PHEX: variants seen among roughly 807,000 people sequenced by gnomAD.
The protein encoded by PHEX is phosphate regulating endopeptidase X-linked, also known as phosphate-regulating neutral endopeptidase PHEX.
A neutral mutation model predicts 68.0 loss-of-function variants in PHEX; 16 were observed. That is an observed-to-expected ratio of 0.24 (90% CI 0.16 to 0.36). The LOEUF (loss-of-function observed/expected upper bound fraction) is 0.36. Among genes scored for constraint, PHEX ranks in the 10% least tolerant of loss-of-function variants. The pLI is 1.00. For missense variants in PHEX, 480 were observed against 575.5 expected, an observed-to-expected ratio of 0.83 and a Z score of 1.70; for synonymous variants, 208 against 205.1, an observed-to-expected ratio of 1.01 and a Z score of -0.12.
At chrX:22,128,543 A>G (rs1292712071) in intron 11 of PHEX, among the ~76,000 whole-genome samples, 1 of 111,100 alleles carries the variant, frequency 9.0e-6, no homozygotes, top group Non-Finnish European at 1.9e-5. Flanking sequence ...AGAGAACAGG[A>G]GCAAAATGAC....
chrX:22,075,248 A>G (rs12008276), intron 3 of PHEX, among the ~76,000 whole-genome samples: 8,694 of 103,728 alleles, frequency 0.084, 643 homozygotes, highest in African/African-American at 0.23. Flanking sequence ...AGGTACAGGT[A>G]CTTATTTTTA....
chrX:22,168,248 CTTGTGATTA>C (rs1263687191), intron 12 of PHEX, 55 bp from the exon 13 acceptor site: 1 of 821,125 alleles, frequency 1.2e-6, no homozygotes, highest in African/African-American at 2.0e-5. Flanking sequence ...ATTTCTACAT[CTTGTGATTA>C]TTAATGATTT....
intron 12 of PHEX, among the ~76,000 whole-genome samples, chrX:22,154,122 C>A (rs767158512): frequency 8.2e-5 from 9 of 109,940 alleles, no homozygotes; most frequent in Admixed American, 9.7e-5. Flanking sequence ...TGTGTACCCA[C>A]AAAAATTAAA....
chrX:22,119,291 AT>A (rs1396085403), intron 11 of PHEX, among the ~76,000 whole-genome samples: 1 of 112,243 alleles, frequency 8.9e-6, no homozygotes. Flanking sequence ...GACTTCTTTA[AT>A]TTTTTATCTT....
intron 18 of PHEX, among the ~76,000 whole-genome samples, chrX:22,224,847 T>C (rs1180041359): frequency 1.6e-5 from 1 of 61,282 alleles, no homozygotes; most frequent in Non-Finnish European, 3.1e-5. Flanking sequence ...AAGTAAAGTG[T>C]TGGTAAGATC....
intron 12 of PHEX, among the ~76,000 whole-genome samples, chrX:22,157,453 T>TA (rs1932986599): frequency 1.8e-5 from 2 of 112,786 alleles, no homozygotes; most frequent in South Asian, 7.3e-4. Context: ...CTTTGGCTTC[T>TA]AAAATCTATT....
chrX:22,200,906 A>G (rs983104961), intron 15 of PHEX, among the ~76,000 whole-genome samples: 4 of 111,271 alleles, frequency 3.6e-5, no homozygotes, highest in African/African-American at 1.3e-4. Context: ...TGCCTCTTCT[A>G]ACGATGCTGT....
chrX:22,080,326 T>C (rs772738719), intron 5 of PHEX, among the ~76,000 whole-genome samples: 16 of 112,163 alleles, frequency 1.4e-4, no homozygotes, highest in South Asian at 3.7e-4. Context: ...TGTTTGAACA[T>C]TGTTTGGCAT....
intron 11 of PHEX, among the ~76,000 whole-genome samples, chrX:22,128,492 C>G (rs1036582745): frequency 9.0e-6 from 1 of 110,760 alleles, no homozygotes; most frequent in Non-Finnish European, 1.9e-5. Context: ...ACACTCAGCC[C>G]CATTTTAATA....
intron 12 of PHEX, among the ~76,000 whole-genome samples, chrX:22,164,575 A>G (rs1277489293): frequency 8.9e-6 from 1 of 111,891 alleles, no homozygotes; most frequent in Non-Finnish European, 1.9e-5. Context: ...TGCATAATTC[A>G]CCAGCATGCT....
At chrX:22,169,641 G>A (rs192450195) in intron 13 of PHEX, among the ~76,000 whole-genome samples, 1 of 111,980 alleles carries the variant, frequency 8.9e-6, no homozygotes, top group East Asian at 2.8e-4. Context: ...CAGCTATGCT[G>A]GAGGAACAGA....
At chrX:22,108,813 G>A (rs945438137) in intron 9 of PHEX, among the ~76,000 whole-genome samples, 2 of 109,903 alleles carry the variant, frequency 1.8e-5, no homozygotes, top group African/African-American at 6.6e-5. Context: ...GTGGTGGCGG[G>A]CATGTGTAAT....
At chrX:22,188,985 A>T (rs1374598530) in intron 14 of PHEX, among the ~76,000 whole-genome samples, 2 of 112,233 alleles carry the variant, frequency 1.8e-5, no homozygotes, top group African/African-American at 6.5e-5. Flanking sequence ...TGGTTTTTAG[A>T]TCCCACAAAT....
In PHEX at chrX:22,232,596, C is replaced by CTTTTTTT. The variant is rs745474280; in HGVS notation, c.2070+5009_2070+5015dup. Reference sequence around the variant, plus strand: ...TCAGAGATTAGGATTGCCACTTCTGCTTTTTTTTTTTTTTTTTTTTTTTTT... The same window carrying CTTTTTTT: ...TCAGAGATTAGGATTGCCACTTCTGCTTTTTTTTTTTTTTTTTTTTTTTTTTTTTTTT... On this transcript the variant is annotated intron_variant, in intron 20 of 21. Transcript: ENST00000379374. Among the ~76,000 whole-genome samples the CTTTTTTT allele has an allele frequency of 4.4e-3, 81 of 18,533 alleles. 7 individuals are homozygous for CTTTTTTT. Among genetic ancestry groups the CTTTTTTT allele is most frequent in the Non-Finnish European group, 5.0e-3 (49 of 9,720 alleles). The allele number at this position is 18,533 out of a possible 115,157, so 16.1% of individuals were successfully genotyped here. A position where few individuals can be genotyped will look rare whatever the true frequency, so the allele number is the denominator to read the frequency against.
intron 12 of PHEX, among the ~76,000 whole-genome samples, chrX:22,152,294 A>G (rs1240320030): frequency 8.9e-6 from 1 of 111,783 alleles, no homozygotes; most frequent in Non-Finnish European, 1.9e-5. Context: ...ATGATGAAGT[A>G]AAGTACTTAG....
rs189070414 is a variant in PHEX at position 22,079,849 on chromosome X, G to T, written c.663+2147G>T. On this transcript the variant is annotated intron_variant, in intron 5 of 21. Transcript: ENST00000379374. ...AGAATCACAGCTTAAAAATGCAGAAGAAATAATAGGAAGCTATCTATTTAA... is the reference window on the plus strand; with the variant it reads ...AGAATCACAGCTTAAAAATGCAGAATAAATAATAGGAAGCTATCTATTTAA... Among the ~76,000 whole-genome samples the T allele has an allele frequency of 3.3e-3, 370 of 111,187 alleles. 1 individual carries two copies. Among genetic ancestry groups the T allele is most frequent in the Non-Finnish European group, 5.6e-3 (298 of 53,021 alleles).
intron 19 of PHEX, among the ~76,000 whole-genome samples, 182 bp from the exon 20 acceptor site, chrX:22,227,325 C>T (rs1029054771): frequency 1.5e-4 from 17 of 112,586 alleles, no homozygotes; most frequent in Non-Finnish European, 5.6e-5. Flanking sequence ...AGCATAAGGC[C>T]TTTTTGCAGG....
chrX:22,228,135 C>G (rs767449021), intron 20 of PHEX, among the ~76,000 whole-genome samples: 1 of 111,996 alleles, frequency 8.9e-6, no homozygotes, highest in African/African-American at 3.2e-5. Context: ...GTTTAATAGG[C>G]TCTTGGAGCA....
chrX:22,060,623 T>G, intron 3 of PHEX, among the ~76,000 whole-genome samples: 1 of 112,213 alleles, frequency 8.9e-6, no homozygotes, highest in Middle Eastern at 4.6e-3. Context: ...CAAGGGGGCA[T>G]TTTTGTAGCA....
Sources: gnomAD v4.1 joint callset for allele counts (sites outside exome capture counted in the v4.1 genomes callset) on GRCh38, gnomAD v4.1.1 for gene constraint, MANE v1.5 for transcripts, NCBI Gene and HGNC (gene_info 2026-07-23, HGNC 2026-07-21) for gene names.